PPP4R3B: variants seen among roughly 807,000 people sequenced by gnomAD.
PPP4R3B encodes protein phosphatase 4 regulatory subunit 3B.
In PPP4R3B, 52 loss-of-function variants were observed where a neutral mutation model predicts 95.4. The observed-to-expected ratio is 0.54, with a 90% CI of 0.44 to 0.69. The LOEUF is 0.69. Ranked by LOEUF, PPP4R3B falls within the 30% of genes least tolerant of loss-of-function variation. PPP4R3B has a pLI of 0.00. For missense variants in PPP4R3B, 1,003 were observed against 1,005.9 expected, an observed-to-expected ratio of 1.00 and a Z score of 0.04; for synonymous variants, 407 against 343.9, an observed-to-expected ratio of 1.18 and a Z score of -2.03.
intron 3 of PPP4R3B, among the ~76,000 whole-genome samples, chr2:55,601,570 C>T (rs35124901): frequency 0.19 from 28,434 of 151,754 alleles, 2,859 homozygotes; most frequent in East Asian, 0.29. Flanking sequence ...TTAGTAGAGA[C>T]GGGGTTTCAC....
chr2:55,589,597 G>GT lies in PPP4R3B; in HGVS notation c.922-642dup. 2.0e-5 allele frequency among the ~76,000 whole-genome samples: 3 copies of GT among 152,238 alleles called. No homozygotes were observed. The Middle Eastern group carries it at 0.01, about 518-fold the overall frequency. The stretch of plus-strand genomic sequence containing the variant: ...AAGACAAGTGCTAATTTCTACAGGC[G>GT]TTGTCTAAAAGGACAAACAGAAAAA... On this transcript the variant is annotated intron_variant, in intron 4 of 16. Coordinates refer to ENST00000616407, the MANE Select transcript of PPP4R3B (RefSeq NM_001122964.3).
chr2:55,564,016 C>T (rs1024509413), intron 15 of PPP4R3B, among the ~76,000 whole-genome samples: 2 of 152,020 alleles, frequency 1.3e-5, no homozygotes, highest in Non-Finnish European at 2.9e-5. Flanking sequence ...CTGAGAATTT[C>T]AGTATAGAAA....
chr2:55,609,265 C>T (rs143748854), intron 2 of PPP4R3B, among the ~76,000 whole-genome samples: 1,975 of 152,160 alleles, frequency 0.013, 24 homozygotes, highest in Middle Eastern at 0.027. Context: ...CTCAAGTGAT[C>T]CTCCTGCCTC....
intron 11 of PPP4R3B, among the ~76,000 whole-genome samples, chr2:55,575,013 C>T (rs1394816424): frequency 2.1e-5 from 3 of 146,268 alleles, no homozygotes; most frequent in African/African-American, 7.6e-5. Context: ...TCTCGGCTCA[C>T]TGCAAGCTCC....
At chr2:55,614,706 T>A (rs558340169) in intron 2 of PPP4R3B, 1 of 152,304 alleles carries the variant, frequency 6.6e-6, no homozygotes, top group East Asian at 1.9e-4. Context: ...ATGTTCAATA[T>A]TACAAAAATA....
At chr2:55,599,154 T>C in intron 3 of PPP4R3B, 115 bp from the exon 4 acceptor site, 2 of 1,000,402 alleles carry the variant, frequency 2.0e-6, no homozygotes, top group South Asian at 1.7e-5. Flanking sequence ...AAGTGAAGTC[T>C]AGGCCAGGCA....
chr2:55,574,691 T>G (rs1166536001), intron 11 of PPP4R3B, among the ~76,000 whole-genome samples: 1 of 151,784 alleles, frequency 6.6e-6, no homozygotes, highest in East Asian at 1.9e-4. Flanking sequence ...TCTCCTGGGT[T>G]CACGACATTC....
intron 8 of PPP4R3B, among the ~76,000 whole-genome samples, chr2:55,580,175 T>G (rs1267780452): frequency 1.3e-5 from 2 of 152,162 alleles, no homozygotes; most frequent in Non-Finnish European, 2.9e-5. Flanking sequence ...CAATCTATTG[T>G]ACAACATATA....
intron 15 of PPP4R3B, among the ~76,000 whole-genome samples, chr2:55,563,313 A>G (rs1475087162): frequency 6.6e-6 from 1 of 152,264 alleles, no homozygotes; most frequent in Non-Finnish European, 1.5e-5. Context: ...AGAAAATGTC[A>G]CATTCAAAAT....
Position 55,590,001 on chromosome 2 carries a change from A to T in PPP4R3B, c.922-1045T>A, listed in dbSNP as rs566725000. 1.1e-3 allele frequency among the ~76,000 whole-genome samples: 154 copies of T among 144,940 alleles called. No individual in the cohort carries two copies. In the Middle Eastern group the frequency reaches 0.022, roughly 20 times the overall value. ...TATATTTAATATATTATATATATAT[A>T]ATATATATATAGTCAAGCACGCATT... On this transcript the variant is annotated intron_variant, in intron 4 of 16. Coordinates refer to ENST00000616407, the MANE Select transcript of PPP4R3B (RefSeq NM_001122964.3).
intron 13 of PPP4R3B, 64 bp downstream of exon 13, chr2:55,568,127 ATTC>A: frequency 8.8e-7 from 1 of 1,130,030 alleles, no homozygotes; most frequent in Non-Finnish European, 1.2e-6. Context: ...CTTACATGTA[ATTC>A]TTTTACATAA....
intron 6 of PPP4R3B, among the ~76,000 whole-genome samples, chr2:55,585,591 T>C (rs60555175): frequency 0.044 from 6,706 of 152,262 alleles, 185 homozygotes; most frequent in South Asian, 0.086. Context: ...TTAGTAACTG[T>C]TTCTATTTCC....
In PPP4R3B at chr2:55,579,705, T is replaced by G; in HGVS notation, c.1442A>C (p.Asn481Thr). 2 of 1,601,868 alleles carry G rather than the reference T, an allele frequency of 1.2e-6. No individual in the cohort carries two copies. Among genetic ancestry groups the G allele is most frequent in the Middle Eastern group, 3.3e-4 (2 of 6,002 alleles). ...MHVLTAPLLT[N>T]TSEDKCEKDF... ...CTTTTCACATTTGTCTTCTGAAGTATTGGTCAAAAGTGGTGCTGTGAGAAC... is the reference window on the plus strand; with the variant it reads ...CTTTTCACATTTGTCTTCTGAAGTAGTGGTCAAAAGTGGTGCTGTGAGAAC... Residue 481 changes from asparagine to threonine, a missense_variant, in exon 9 of 17, where the codon AAT becomes ACT. By Grantham distance (65) the Asn-to-Thr change is moderately conservative (BLOSUM62 0). Around this residue, in one of 3 missense-constraint regions of PPP4R3B, gnomAD observed 695 missense variants for 686.2 expected, o/e 1.01. Coordinates refer to ENST00000616407, the MANE Select transcript of PPP4R3B (RefSeq NM_001122964.3).
chr2:55,582,909 A>G (rs72803566), intron 7 of PPP4R3B, among the ~76,000 whole-genome samples: 5,544 of 152,294 alleles, frequency 0.036, 146 homozygotes, highest in South Asian at 0.09. Context: ...AAGGCCATTA[A>G]TATAAAAATA....
intron 4 of PPP4R3B, among the ~76,000 whole-genome samples, chr2:55,594,227 T>C (rs905539086): frequency 6.7e-6 from 1 of 149,852 alleles, no homozygotes; most frequent in African/African-American, 2.5e-5. Flanking sequence ...ATGGGTACAC[T>C]AGAAGCCCAA....
chr2:55,557,565 AAACAT>A (rs1231791362), intron 16 of PPP4R3B, among the ~76,000 whole-genome samples: 5 of 152,194 alleles, frequency 3.3e-5, no homozygotes, highest in Non-Finnish European at 5.9e-5. Context: ...TCCAGTTGAA[AAACAT>A]AAAATATGTT....
chr2:55,581,750 G>A, intron 7 of PPP4R3B, 52 bp from the exon 8 acceptor site: 1 of 1,566,312 alleles, frequency 6.4e-7, no homozygotes, highest in Non-Finnish European at 8.6e-7. Flanking sequence ...ACCTGGTTTA[G>A]ATCTAAGACA....
At chr2:55,558,278 C>T (rs1382715400) in intron 16 of PPP4R3B, among the ~76,000 whole-genome samples, 1 of 152,138 alleles carries the variant, frequency 6.6e-6, no homozygotes, top group East Asian at 1.9e-4. Context: ...ATATTAGAAT[C>T]AACTTAAGTG....
chr2:55,555,050 G>A (rs1285526872), intron 16 of PPP4R3B, among the ~76,000 whole-genome samples: 2 of 152,128 alleles, frequency 1.3e-5, no homozygotes, highest in Non-Finnish European at 2.9e-5. Flanking sequence ...GGAGGCCGAG[G>A]CAGGCAGATC....
Sources: allele counts gnomAD v4.1 joint callset (sites outside exome capture counted in the v4.1 genomes callset), GRCh38; gene constraint gnomAD v4.1.1; regional missense constraint gnomAD v4.1.1; transcripts MANE v1.5; gene names NCBI Gene and HGNC (gene_info 2026-07-23, HGNC 2026-07-21).